ZFHX3: variants seen among roughly 807,000 people sequenced by gnomAD.
ZFHX3 encodes the protein zinc finger homeobox protein 3.
In ZFHX3, 42 loss-of-function variants were observed where a neutral mutation model predicts 279.1. That is an observed-to-expected ratio of 0.15 (90% CI 0.12 to 0.19). The LOEUF (loss-of-function observed/expected upper bound fraction) is 0.19. Among genes scored for constraint, ZFHX3 ranks in the 10% least tolerant of loss-of-function variants. The pLI is 1.00. For missense variants in ZFHX3, 4,981 were observed against 4,754.0 expected, an observed-to-expected ratio of 1.05 and a Z score of -1.40; for synonymous variants, 2,293 against 1,957.8, an observed-to-expected ratio of 1.17 and a Z score of -4.52.
intron 2 of ZFHX3, among the ~76,000 whole-genome samples, chr16:73,591,586 G>C (rs1307898230): frequency 6.7e-6 from 1 of 148,558 alleles, no homozygotes; most frequent in Non-Finnish European, 1.5e-5. Flanking sequence ...CCAGTTACTC[G>C]GGAGGCTGAG....
intron 4 of ZFHX3, 137 bp from the exon 5 acceptor site, chr16:72,829,996 G>T: frequency 1.2e-6 from 1 of 837,654 alleles, no homozygotes; most frequent in Non-Finnish European, 1.9e-6. Context: ...AGGCCCCTGG[G>T]AGACTGACGG....
intron 4 of ZFHX3, among the ~76,000 whole-genome samples, chr16:73,272,938 G>C (rs2014189564): frequency 6.6e-6 from 1 of 152,048 alleles, no homozygotes; most frequent in Non-Finnish European, 1.5e-5. Context: ...GTAGAGATGG[G>C]ATCTCCCTAT....
chr16:73,005,373 T>C (rs1033771107), intron 1 of ZFHX3, among the ~76,000 whole-genome samples: 3 of 152,142 alleles, frequency 2.0e-5, no homozygotes, highest in Non-Finnish European at 4.4e-5. Context: ...CGCACACCTG[T>C]AGCCCCAGTT....
At position 73,718,627 on chromosome 16, in the gene ZFHX3, T is replaced by C. The variant is rs1191158494; in HGVS notation, c.-1607-38387A>G. The stretch of plus-strand genomic sequence containing the variant: ...TATTTATTTATTATTTATTTATTTA[T>C]TTTTTTAAGACAGAGTCTCGCTCTG... On this transcript the variant is annotated intron_variant, in intron 1 of 17. Coordinates refer to the ZFHX3 transcript ENST00000641206. Among the ~76,000 whole-genome samples, 4 of 148,898 alleles carry C rather than the reference T, an allele frequency of 2.7e-5. No individual in the cohort carries two copies. In the South Asian group the frequency reaches 8.6e-4, roughly 32 times the overall value.
intron 7 of ZFHX3, among the ~76,000 whole-genome samples, chr16:73,102,264 C>T (rs1438709615): frequency 6.6e-6 from 1 of 152,176 alleles, no homozygotes; most frequent in Non-Finnish European, 1.5e-5. Context: ...GAAATGTTCA[C>T]CTGAGCTCAC....
At chr16:72,889,221 A>G (rs973378039) in intron 4 of ZFHX3, among the ~76,000 whole-genome samples, 1 of 152,312 alleles carries the variant, frequency 6.6e-6, no homozygotes, top group Non-Finnish European at 1.5e-5. Context: ...TGAAATTTTT[A>G]TAACAAGCAC....
intron 1 of ZFHX3, among the ~76,000 whole-genome samples, chr16:73,685,127 G>C (rs1394868382): frequency 1.3e-5 from 2 of 151,632 alleles, no homozygotes; most frequent in African/African-American, 2.4e-5. Context: ...TGATTCCCTT[G>C]CCTCAGCCTC....
At chr16:72,969,472 T>C (rs946382063) in intron 1 of ZFHX3, among the ~76,000 whole-genome samples, 4 of 151,934 alleles carry the variant, frequency 2.6e-5, no homozygotes, top group Non-Finnish European at 4.4e-5. Context: ...CCTAACTTTG[T>C]GAAAAGTGAT....
At chr16:72,963,686 G>A (rs77379652) in intron 1 of ZFHX3, among the ~76,000 whole-genome samples, 5,137 of 152,098 alleles carry the variant, frequency 0.034, 139 homozygotes, top group Non-Finnish European at 0.05. Flanking sequence ...TAATCAAAAC[G>A]TTCATCTCCC....
At chr16:73,295,422 G>A (rs1025169845) in intron 4 of ZFHX3, among the ~76,000 whole-genome samples, 49 of 152,220 alleles carry the variant, frequency 3.2e-4, no homozygotes, top group Non-Finnish European at 4.4e-4. Flanking sequence ...CGAATGTAAG[G>A]TGTGAATTTT....
At chr16:73,334,810 CTTTTTTTTTTT>C (rs368597124) in intron 3 of ZFHX3, among the ~76,000 whole-genome samples, 56 of 57,920 alleles carry the variant, frequency 9.7e-4, no homozygotes, top group East Asian at 4.5e-3. Flanking sequence ...CTTTCTCATT[CTTTTTTTTTTT>C]TTTTTTTTTT....
chr16:73,046,093 T>C (rs1240240379), intron 1 of ZFHX3, among the ~76,000 whole-genome samples: 1 of 152,138 alleles, frequency 6.6e-6, no homozygotes, highest in African/African-American at 2.4e-5. Context: ...GAGAAAAAGT[T>C]TCTTTTGGCC....
intron 2 of ZFHX3, among the ~76,000 whole-genome samples, chr16:73,587,322 T>A (rs2051938079): frequency 1.3e-5 from 2 of 152,220 alleles, no homozygotes; most frequent in Admixed American, 6.5e-5. Context: ...TTTAGAGGTA[T>A]ACATATTACT....
In ZFHX3 at chr16:73,150,133, C is replaced by T. The variant is rs1025893325; in HGVS notation, c.-1103-6302G>A. On this transcript the variant is annotated intron_variant, in intron 5 of 17. Coordinates refer to the ZFHX3 transcript ENST00000641206. ...AACAGAAGAGTAGAACAGACACAAC[C>T]GCAGATGCTGCTGGATGGAGGCTCC... is the stretch of plus-strand genomic sequence containing the variant. Among the ~76,000 whole-genome samples, 38 of 152,222 alleles carry T rather than the reference C, an allele frequency of 2.5e-4. 1 individual carries two copies. Among genetic ancestry groups the T allele is most frequent in the Admixed American group, 1.3e-3 (20 of 15,278 alleles).
chr16:73,284,271 T>G (rs1441188817), intron 4 of ZFHX3, among the ~76,000 whole-genome samples: 1 of 137,914 alleles, frequency 7.3e-6, no homozygotes, highest in African/African-American at 2.7e-5. Flanking sequence ...GAGATGAGAT[T>G]GTGCCACTGC....
chr16:72,978,023 C>A (rs1217682623), intron 1 of ZFHX3, among the ~76,000 whole-genome samples: 2 of 152,132 alleles, frequency 1.3e-5, no homozygotes, highest in African/African-American at 2.4e-5. Flanking sequence ...CACCACCATG[C>A]CCAGCTAATT....
Position 72,938,636 on chromosome 16 carries a change from C to T in ZFHX3, c.3216+11833G>A, listed in dbSNP as rs549033767. On this transcript the variant is annotated intron_variant, in intron 3 of 9. Coordinates refer to ENST00000268489, the MANE Select transcript of ZFHX3 (RefSeq NM_006885.4). ...GAGAACTCACCACCTCAGAGCAAAT[C>T]GGCACGCCCCCAAGGCATGAGTTTT... 5.9e-5 allele frequency among the ~76,000 whole-genome samples: 9 copies of T among 152,306 alleles called. No individual in the cohort carries two copies. In the East Asian group the frequency reaches 1.4e-3, roughly 23 times the overall value.
intron 2 of ZFHX3, among the ~76,000 whole-genome samples, chr16:73,630,864 G>A (rs1316185349): frequency 6.6e-6 from 1 of 152,204 alleles, no homozygotes; most frequent in East Asian, 1.9e-4. Flanking sequence ...TTGGGAGAAA[G>A]GGTAGCTATG....
chr16:73,261,697 C>T (rs929018039), intron 4 of ZFHX3, among the ~76,000 whole-genome samples: 5 of 54,500 alleles, frequency 9.2e-5, no homozygotes, highest in Non-Finnish European at 2.3e-4. Flanking sequence ...TTTTTTAGGA[C>T]AGAGTTTCAC....
Sources: allele counts gnomAD v4.1 joint callset (sites outside exome capture counted in the v4.1 genomes callset), GRCh38; gene constraint gnomAD v4.1.1; transcripts MANE v1.5; gene names NCBI Gene and HGNC (gene_info 2026-07-23, HGNC 2026-07-21).